The following NALF1 variants were observed in gnomAD, a reference collection of about 807,000 sequenced individuals.
NALF1 encodes NALCN channel auxiliary factor 1, also known as family with sequence similarity 155 member A.
In NALF1, 3 loss-of-function variants were observed where a neutral mutation model predicts 48.4. The observed-to-expected ratio is 0.06, with a 90% CI of 0.03 to 0.16. The LOEUF is 0.16. NALF1 is among the 10% of genes least tolerant of loss of function. The pLI, the probability that NALF1 is intolerant of heterozygous loss-of-function variation, is 1.00. For synonymous variants in NALF1, 262 were observed against 245.7 expected, an observed-to-expected ratio of 1.07 and a Z score of -0.62; for missense variants, 526 against 571.5, an observed-to-expected ratio of 0.92 and a Z score of 0.81.
intron 1 of NALF1, among the ~76,000 whole-genome samples, chr13:107,657,127 T>C (rs1289680292): frequency 1.3e-5 from 2 of 151,912 alleles, no homozygotes; most frequent in African/African-American, 4.8e-5. Context: ...AAAGAACTTA[T>C]TCATGCAACC....
At chr13:107,205,696 A>G (rs1252330154) in intron 2 of NALF1, among the ~76,000 whole-genome samples, 1 of 152,210 alleles carries the variant, frequency 6.6e-6, no homozygotes, top group Non-Finnish European at 1.5e-5. Context: ...AGTAACCCCC[A>G]GCAGACCAAC....
chr13:107,225,356 G>A (rs895700582), intron 1 of NALF1, among the ~76,000 whole-genome samples: 3 of 151,930 alleles, frequency 2.0e-5, no homozygotes, highest in African/African-American at 7.3e-5. Context: ...TATTCTCACT[G>A]TAGCCTCAGC....
At chr13:107,348,086 A>T (rs1882806519) in intron 1 of NALF1, among the ~76,000 whole-genome samples, 1 of 152,222 alleles carries the variant, frequency 6.6e-6, no homozygotes, top group Non-Finnish European at 1.5e-5. Flanking sequence ...AGTTGTCCTT[A>T]GTTATCTAAA....
At chr13:107,860,963 A>C (rs542731874) in intron 1 of NALF1, among the ~76,000 whole-genome samples, 2 of 152,348 alleles carry the variant, frequency 1.3e-5, no homozygotes, top group Non-Finnish European at 2.9e-5. Context: ...GCAATTATTT[A>C]AACTTTGTGA....
intron 1 of NALF1, among the ~76,000 whole-genome samples, chr13:107,303,770 GA>G (rs1222499092): frequency 3.9e-5 from 6 of 151,930 alleles, no homozygotes; most frequent in Non-Finnish European, 7.4e-5. Flanking sequence ...ATTTAATTTA[GA>G]AAAAGCCCAC....
Position 107,625,445 on chromosome 13 carries a change from G to C in NALF1, c.915+240237C>G, listed in dbSNP as rs1231046153. Among the ~76,000 whole-genome samples, 3 of 152,130 alleles carry C rather than the reference G, an allele frequency of 2.0e-5. No individual in the cohort carries two copies. In the East Asian group the frequency reaches 5.8e-4, roughly 29 times the overall value. ...GATGTTATTATTAAGGTGTTATTTA[G>C]CACAGCATGTCAAAAAGTATCTTAG... On this transcript the variant is annotated intron_variant, in intron 1 of 2. Transcript: ENST00000375915.
chr13:107,740,571 TAATAA>T (rs1029967310), intron 1 of NALF1, among the ~76,000 whole-genome samples: 26 of 152,218 alleles, frequency 1.7e-4, no homozygotes, highest in African/African-American at 6.0e-4. Context: ...AGGCAAAGGA[TAATAA>T]AATAAACACA....
chr13:107,602,057 A>G (rs1057259475), intron 1 of NALF1, among the ~76,000 whole-genome samples: 1 of 152,206 alleles, frequency 6.6e-6, no homozygotes, highest in Non-Finnish European at 1.5e-5. Context: ...TTAATTGTAT[A>G]GAAAGGTCTC....
At chr13:107,212,123 G>A (rs996235390) in intron 1 of NALF1, among the ~76,000 whole-genome samples, 3 of 152,132 alleles carry the variant, frequency 2.0e-5, no homozygotes, top group Non-Finnish European at 4.4e-5. Context: ...TCCATGCCCC[G>A]GGTCAATATC....
At chr13:107,324,263 G>A (rs574376423) in intron 1 of NALF1, among the ~76,000 whole-genome samples, 142 of 152,102 alleles carry the variant, frequency 9.3e-4, no homozygotes, top group African/African-American at 3.2e-3. Flanking sequence ...AATCAAAGAC[G>A]TATTTCAAAA....
chr13:107,786,105 C>T (rs1878062150), intron 1 of NALF1, among the ~76,000 whole-genome samples: 1 of 151,972 alleles, frequency 6.6e-6, no homozygotes, highest in African/African-American at 2.4e-5. Flanking sequence ...GACAAGGAAC[C>T]CTCACAGGAA....
chr13:107,254,062 A>AAAAAAAAAAAAAAATATATATATATAT, intron 1 of NALF1, among the ~76,000 whole-genome samples: 1 of 138,582 alleles, frequency 7.2e-6, no homozygotes, highest in Non-Finnish European at 1.6e-5. Flanking sequence ...CAAGTACTAA[A>AAAAAAAAAAAAAAATATATATATATAT]ATATATATAT....
chr13:107,471,894 G>A (rs994073596), intron 1 of NALF1, among the ~76,000 whole-genome samples: 1 of 152,148 alleles, frequency 6.6e-6, no homozygotes, highest in Admixed American at 6.5e-5. Context: ...GAAAAAGAGA[G>A]GAATATGTTT....
intron 1 of NALF1, among the ~76,000 whole-genome samples, chr13:107,631,632 C>T (rs1211609469): frequency 1.3e-5 from 2 of 152,172 alleles, no homozygotes; most frequent in East Asian, 1.9e-4. Context: ...CAGCAGGACT[C>T]GCTCCTGAAA....
At chr13:107,611,590 A>G (rs1042675453) in intron 1 of NALF1, among the ~76,000 whole-genome samples, 1 of 152,124 alleles carries the variant, frequency 6.6e-6, no homozygotes, top group African/African-American at 2.4e-5. Context: ...CACTAAGGAA[A>G]ACTAATGGGT....
chr13:107,183,149 G>T (rs2769875), intron 2 of NALF1, among the ~76,000 whole-genome samples: 63,815 of 151,854 alleles, frequency 0.42, 13,707 homozygotes, highest in Middle Eastern at 0.51. Flanking sequence ...CCGCCATACA[G>T]CAGGGAAGAC....
In NALF1 at chr13:107,484,053, T is replaced by C. The variant is rs1320941675; in HGVS notation, c.916-273298A>G. Among the ~76,000 whole-genome samples, 4 of 152,068 alleles carry C rather than the reference T, an allele frequency of 2.6e-5. No individual in the cohort carries two copies. The East Asian group carries it at 5.8e-4, about 22-fold the overall frequency. Reference sequence around the variant, plus strand: ...AGTAAATGGAAAAGTCAGCATTAAATGTAAATTTTCTAAATGTAAAGTCTT... The same window carrying C: ...AGTAAATGGAAAAGTCAGCATTAAACGTAAATTTTCTAAATGTAAAGTCTT... On this transcript the variant is annotated intron_variant, in intron 1 of 2. Transcript: ENST00000375915.
chr13:107,707,423 TTGA>T (rs987983326), intron 1 of NALF1, among the ~76,000 whole-genome samples: 12 of 152,340 alleles, frequency 7.9e-5, no homozygotes, highest in African/African-American at 2.4e-4. Flanking sequence ...CCTTTTCATG[TTGA>T]TGATGTCTCT....
chr13:107,710,797 GTA>G (rs910087927), intron 1 of NALF1, among the ~76,000 whole-genome samples: 1 of 122,666 alleles, frequency 8.2e-6, no homozygotes, highest in African/African-American at 3.0e-5. Context: ...ACACATATAT[GTA>G]TATATACATA....
Sources: gnomAD v4.1 joint callset for allele counts (sites outside exome capture counted in the v4.1 genomes callset) on GRCh38, gnomAD v4.1.1 for gene constraint, MANE v1.5 for transcripts, NCBI Gene and HGNC (gene_info 2026-07-23, HGNC 2026-07-21) for gene names.